The following SPATA6 variants were observed in gnomAD, a reference collection of about 807,000 sequenced individuals.
SPATA6 encodes spermatogenesis associated 6.
Under a neutral mutation model 65.3 loss-of-function variants are expected in SPATA6, and 56 were observed. That is an observed-to-expected ratio of 0.86 (90% confidence interval 0.69 to 1.07). The LOEUF is 1.07. Ranked by LOEUF, SPATA6 falls within the 50% of genes least tolerant of loss-of-function variation. The pLI, the probability that SPATA6 is intolerant of heterozygous loss-of-function variation, is 0.00. For synonymous variants in SPATA6, 199 were observed against 213.2 expected, an observed-to-expected ratio of 0.93 and a Z score of 0.58; for missense variants, 590 against 594.8, an observed-to-expected ratio of 0.99 and a Z score of 0.08.
chr1:48,426,396 T>A (rs986669617), intron 3 of SPATA6, among the ~76,000 whole-genome samples: 2 of 152,056 alleles, frequency 1.3e-5, no homozygotes, highest in Non-Finnish European at 2.9e-5. Flanking sequence ...CTACAGAAAC[T>A]GACCACCCAG....
intron 3 of SPATA6, among the ~76,000 whole-genome samples, chr1:48,415,490 A>T (rs1322956784): frequency 6.6e-6 from 1 of 152,228 alleles, no homozygotes; most frequent in South Asian, 2.1e-4. Flanking sequence ...CAAATAAAAA[A>T]GAAATAGTAT....
chr1:48,390,385 T>A (rs1317035459), intron 8 of SPATA6, among the ~76,000 whole-genome samples: 1 of 152,204 alleles, frequency 6.6e-6, no homozygotes, highest in Admixed American at 6.5e-5. Flanking sequence ...GAAAGTAGAA[T>A]AATCGATACT....
At chr1:48,438,566 G>C (rs1655163229) in intron 3 of SPATA6, among the ~76,000 whole-genome samples, 1 of 152,104 alleles carries the variant, frequency 6.6e-6, no homozygotes, top group East Asian at 1.9e-4. Context: ...TTCAGCTCCA[G>C]GGTCCTGACA....
intron 3 of SPATA6, among the ~76,000 whole-genome samples, chr1:48,442,986 G>A (rs1655667077): frequency 6.6e-6 from 1 of 152,106 alleles, no homozygotes. Flanking sequence ...AGTCCAACCA[G>A]ACCTAGAAGG....
intron 7 of SPATA6, among the ~76,000 whole-genome samples, chr1:48,397,709 A>C (rs867999016): frequency 5.3e-5 from 8 of 151,714 alleles, no homozygotes; most frequent in Middle Eastern, 3.4e-3. Flanking sequence ...AAAAATCTCT[A>C]TGTTTACAAA....
chr1:48,390,359 A>C (rs1316914498), intron 8 of SPATA6, among the ~76,000 whole-genome samples: 2 of 152,204 alleles, frequency 1.3e-5, no homozygotes, highest in Non-Finnish European at 2.9e-5. Context: ...GTGGAAGCTA[A>C]AAATATTCTC....
chr1:48,390,086 A>G (rs564209094), intron 8 of SPATA6, among the ~76,000 whole-genome samples: 2 of 152,322 alleles, frequency 1.3e-5, no homozygotes, highest in Admixed American at 1.3e-4. Context: ...CTGGGTATCC[A>G]TCCAAAGGAA....
At chr1:48,287,099 A>G in the SPATA6 span, among the ~76,000 whole-genome samples, 3 of 151,388 alleles carry the variant, frequency 2.0e-5, no homozygotes, top group Admixed American at 2.0e-4. Context: ...TAAGGGAAGG[A>G]TAGTGGCATC....
chr1:48,297,128 GT>G lies in SPATA6; in HGVS notation c.*1584del, dbSNP rs1644827923. On this transcript the variant is annotated 3_prime_UTR_variant, in exon 13 of 13. Coordinates refer to ENST00000371847, the MANE Select transcript of SPATA6 (RefSeq NM_019073.4). ...TCCTACATATGACTCTCTAAGAGGT[GT>G]GTGTGTGTGTGTGTGTGTGTGTGTG... 1 of 31,940 alleles carries G rather than the reference GT, an allele frequency of 3.1e-5. No homozygotes were observed. Among genetic ancestry groups the G allele is most frequent in the African/African-American group, 7.3e-5 (1 of 13,710 alleles). The allele number at this position is 31,940 out of a possible 1,614,324, so 2.0% of individuals were successfully genotyped here.
intron 11 of SPATA6, among the ~76,000 whole-genome samples, chr1:48,314,715 GAC>G (rs1437715855): frequency 6.6e-6 from 1 of 151,856 alleles, no homozygotes; most frequent in African/African-American, 2.4e-5. Context: ...AGGAGACAGA[GAC>G]ACAAAAGACC....
intron 11 of SPATA6, among the ~76,000 whole-genome samples, chr1:48,317,667 T>TA (rs1570090453): frequency 6.6e-6 from 1 of 151,968 alleles, no homozygotes; most frequent in East Asian, 1.9e-4. Context: ...CCTTAAAACT[T>TA]AAAGTAAAAA....
chr1:48,455,734 G>A (rs1384823731), intron 1 of SPATA6, among the ~76,000 whole-genome samples: 2 of 152,040 alleles, frequency 1.3e-5, no homozygotes, highest in African/African-American at 2.4e-5. Flanking sequence ...TTACATCCTT[G>A]CCTCAAATTT....
chr1:48,471,226 G>A (rs937258026), intron 1 of SPATA6, among the ~76,000 whole-genome samples: 3 of 152,174 alleles, frequency 2.0e-5, no homozygotes, highest in Admixed American at 6.5e-5. Context: ...GCATCCTCTT[G>A]AGCAAGTCTG....
chr1:48,435,735 C>T (rs572167043), intron 3 of SPATA6, among the ~76,000 whole-genome samples: 127 of 152,266 alleles, frequency 8.3e-4, no homozygotes, highest in African/African-American at 2.9e-3. Flanking sequence ...GTCGCGGCCT[C>T]GCCGCCCTCC....
rs772042013 is a variant in SPATA6 at position 48,305,845 on chromosome 1, C to A, written c.1228G>T (p.Glu410Ter). Residue 410 changes from glutamate to a stop codon, truncating the protein, a stop_gained, in exon 12 of 13, where the codon GAA becomes TAA. Transcript: ENST00000371847. LOFTEE classifies it high-confidence loss of function. ...ERDLEKDDEL[E>*]LKRSLLCRDS... ...CTACATAAAAGACTTCTTTTCAGTTCCAGTTCATCATCTTTCTCTAGGTCT... is the reference window on the plus strand; with the variant it reads ...CTACATAAAAGACTTCTTTTCAGTTACAGTTCATCATCTTTCTCTAGGTCT... 4 of 1,612,144 alleles carry A rather than the reference C, an allele frequency of 2.5e-6. No homozygotes were observed. In the East Asian group the frequency reaches 6.7e-5, roughly 27 times the overall value.
At chr1:48,441,908 G>A (rs1469236727) in intron 3 of SPATA6, among the ~76,000 whole-genome samples, 1 of 152,168 alleles carries the variant, frequency 6.6e-6, no homozygotes, top group Non-Finnish European at 1.5e-5. Context: ...ACAACCGCCT[G>A]CTTAGATACC....
chr1:48,262,541 T>G, the SPATA6 span: 1 of 152,138 alleles, frequency 6.6e-6, no homozygotes, highest in Non-Finnish European at 1.5e-5. Context: ...GGGAACAATC[T>G]AAATGTCCAA....
At chr1:48,278,900 TA>T in the SPATA6 span, among the ~76,000 whole-genome samples, 1 of 151,920 alleles carries the variant, frequency 6.6e-6, no homozygotes, top group Non-Finnish European at 1.5e-5. Context: ...AAAGTTTAAA[TA>T]AAGGCAAAAA....
chr1:48,411,920 A>G (rs942550308), intron 4 of SPATA6, among the ~76,000 whole-genome samples: 3 of 151,574 alleles, frequency 2.0e-5, no homozygotes, highest in Non-Finnish European at 2.9e-5. Flanking sequence ...CTGGAGTGCA[A>G]TGGTGCCATC....
Sources: allele counts gnomAD v4.1 joint callset (sites outside exome capture counted in the v4.1 genomes callset), GRCh38; gene constraint gnomAD v4.1.1; transcripts MANE v1.5; gene names NCBI Gene and HGNC (gene_info 2026-07-23, HGNC 2026-07-21).